CKM: variants seen among roughly 807,000 people sequenced by gnomAD.
The protein encoded by CKM is creatine kinase M-type.
A neutral mutation model predicts 35.4 loss-of-function variants in CKM; 28 were observed. The observed-to-expected ratio is 0.79, with a 90% CI of 0.59 to 1.08. The LOEUF is 1.08. Among genes scored for constraint, CKM ranks in the 50% least tolerant of loss-of-function variants. CKM has a pLI of 0.00. For missense variants in CKM, 484 were observed against 509.8 expected (o/e 0.95, Z 0.49); for synonymous variants, 215 against 204.4 (o/e 1.05, Z -0.44).
At chr19:45,312,696 A>G (rs1971121559) in intron 4 of CKM, among the ~76,000 whole-genome samples, 1 of 152,032 alleles carries the variant, frequency 6.6e-6, no homozygotes. Flanking sequence ...GCTCATGCCT[A>G]TAATCCCAGC....
At chr19:45,322,093 G>A (rs1413977984) in intron 1 of CKM, among the ~76,000 whole-genome samples, 1 of 152,088 alleles carries the variant, frequency 6.6e-6, no homozygotes, top group Non-Finnish European at 1.5e-5. Flanking sequence ...GGAGGACACG[G>A]GTCCAGGCCT....
At chr19:45,319,970 T>C (rs1599820808) in intron 1 of CKM, among the ~76,000 whole-genome samples, 1 of 151,948 alleles carries the variant, frequency 6.6e-6, no homozygotes, top group Admixed American at 6.6e-5. Flanking sequence ...TTTGTATTTT[T>C]AGTAGAGACG....
chr19:45,314,679 G>C (rs1412492268), intron 4 of CKM, among the ~76,000 whole-genome samples: 1 of 151,966 alleles, frequency 6.6e-6, no homozygotes, highest in Non-Finnish European at 1.5e-5. Context: ...TTCCCAAAAT[G>C]CTGGGATTAC....
Position 45,311,106 on chromosome 19 carries a change from C to A in CKM, c.653+643G>T, listed in dbSNP as rs150638880. ...TTTTTTTTTTTAATTTTTGTAGCGA[C>A]GTGGTCTCCCTATGTTGCCCAGGCT... is the stretch of plus-strand genomic sequence containing the variant. On this transcript the variant is annotated intron_variant, in intron 5 of 7. Coordinates refer to ENST00000221476, the MANE Select transcript of CKM (RefSeq NM_001824.5). Among the ~76,000 whole-genome samples, 59 of 148,002 alleles carry A rather than the reference C, an allele frequency of 4.0e-4. 2 individuals are homozygous for A. In the East Asian group the frequency reaches 0.011, roughly 27 times the overall value.
At chr19:45,320,866 A>C (rs1467809003) in intron 1 of CKM, among the ~76,000 whole-genome samples, 5 of 148,554 alleles carry the variant, frequency 3.4e-5, no homozygotes, top group Non-Finnish European at 7.4e-5. Flanking sequence ...CCTGGTACAC[A>C]ATAAGCATTA....
chr19:45,315,855 T>TTTTTTTTTTTTTTCTTTGAGACAGGG (rs1971153096), intron 3 of CKM, among the ~76,000 whole-genome samples: 1 of 148,676 alleles, frequency 6.7e-6, no homozygotes, highest in Admixed American at 6.7e-5. Context: ...TTTCCTTTTT[T>TTTTTTTTTTTTTTCTTTGAGACAGGG]TTCTTCGAGA....
rs365065 is a variant in CKM, at chr19:45,315,323, G to A, written c.481+142C>T. The A allele has an allele frequency of 0.08, 73,080 of 916,064 alleles. 3,429 individuals carry two copies. The highest frequency in any genetic ancestry group is 0.087 in the Non-Finnish European group (53,022 of 612,940). The allele number at this position is 916,064 out of a possible 1,614,324, so 56.7% of individuals were successfully genotyped here. A position where few individuals can be genotyped will look rare whatever the true frequency, so the allele number is the denominator to read the frequency against. Reference sequence around the variant, plus strand: ...ACAGCAGGTAATGCTGACAGCCCGCGCCATTCCCCAAGCCCCCACGATTTA... The same window carrying A: ...ACAGCAGGTAATGCTGACAGCCCGCACCATTCCCCAAGCCCCCACGATTTA... On this transcript the variant is annotated intron_variant, in intron 4 of 7. Transcript: ENST00000221476.
Position 45,318,014 on chromosome 19 carries a change from C to T in CKM, c.194-35G>A, listed in dbSNP as rs1599819673. On this transcript the variant is annotated intron_variant, in intron 2 of 7. Coordinates refer to ENST00000221476, the MANE Select transcript of CKM (RefSeq NM_001824.5). ...TGGGGGTGAGGTCAGAGCTGCTTGT[C>T]CCCAGCAAACAGGGCGTGGGCTTGT... The T allele has an allele frequency of 1.9e-6, 3 of 1,606,118 alleles. No individual in the cohort carries two copies. The East Asian group carries it at 6.7e-5, about 36-fold the overall frequency.
chr19:45,314,174 A>AAAGGAAGGAAGG (rs140672931), intron 4 of CKM, among the ~76,000 whole-genome samples: 1 of 149,604 alleles, frequency 6.7e-6, no homozygotes, highest in Non-Finnish European at 1.5e-5. Flanking sequence ...AAAAGAAAGG[A>AAAGGAAGGAAGG]AAGGAAGGAA....
In CKM at chr19:45,311,909, G is replaced by A; in HGVS notation, c.493C>T (p.Leu165=). ...EKLSVEALNS[L]TGEFKGKYYP... Reference sequence around the variant, plus strand: ...TACTTCCCTTTGAACTCGCCCGTCAGGCTGTTGAGAGCTATGGGGACACAC... The same window carrying A: ...TACTTCCCTTTGAACTCGCCCGTCAAGCTGTTGAGAGCTATGGGGACACAC... Residue 165 remains leucine, a synonymous_variant, in exon 5 of 8, where the codon CTG becomes TTG. Coordinates refer to ENST00000221476, the MANE Select transcript of CKM (RefSeq NM_001824.5). 6.2e-7 allele frequency: 1 copy of A among 1,614,064 alleles called. No individual in the cohort carries two copies. Among genetic ancestry groups the A allele is most frequent in the Non-Finnish European group, 8.5e-7 (1 of 1,179,966 alleles).
chr19:45,310,131 T>TTG (rs1482144578), intron 5 of CKM, among the ~76,000 whole-genome samples: 1 of 143,926 alleles, frequency 6.9e-6, no homozygotes, highest in Non-Finnish European at 1.5e-5. Context: ...TTTTTTTTTT[T>TTG]TTTTTTTGAG....
chr19:45,309,439 C>G (rs1412861480), intron 5 of CKM, among the ~76,000 whole-genome samples: 2 of 150,840 alleles, frequency 1.3e-5, no homozygotes, highest in Admixed American at 1.3e-4. Context: ...GCCTGTAGTC[C>G]AAGCCACTGG....
intron 1 of CKM, among the ~76,000 whole-genome samples, chr19:45,320,629 G>T (rs1432535548): frequency 6.6e-6 from 1 of 152,194 alleles, no homozygotes; most frequent in East Asian, 1.9e-4. Flanking sequence ...GCCCCTCCCG[G>T]AGGCTGGAAA....
intron 5 of CKM, among the ~76,000 whole-genome samples, chr19:45,310,792 G>A (rs867718419): frequency 1.2e-4 from 3 of 24,126 alleles, no homozygotes; most frequent in African/African-American, 4.8e-4. Flanking sequence ...TTTTTTTTTT[G>A]AGACGGAGTC....
chr19:45,315,813 A>G (rs1971152141), intron 3 of CKM, among the ~76,000 whole-genome samples: 1 of 139,856 alleles, frequency 7.2e-6, no homozygotes, highest in Non-Finnish European at 1.6e-5. Context: ...GTTTTTCTTT[A>G]TACCTCTCTC....
chr19:45,312,680 G>T (rs573972363), intron 4 of CKM, among the ~76,000 whole-genome samples: 1 of 151,894 alleles, frequency 6.6e-6, no homozygotes, highest in Admixed American at 6.6e-5. Flanking sequence ...TAGGCTGGGC[G>T]CAGTGGCTCA....
At chr19:45,316,662 C>G (rs546334052) in intron 3 of CKM, among the ~76,000 whole-genome samples, 1 of 151,912 alleles carries the variant, frequency 6.6e-6, no homozygotes, top group East Asian at 1.9e-4. Flanking sequence ...TTCTCCCACT[C>G]TCCTTGTCTG....
chr19:45,315,606 C>T lies in CKM; in HGVS notation c.349-9G>A, dbSNP rs375179935. On this transcript the variant is annotated splice_polypyrimidine_tract_variant and intron_variant, in intron 3 of 7. Transcript: ENST00000221476. ...TCCAGGTCGTCTCCACCCTGGAGAG[C>T]GGGTGGGAGATCAGGACCAGGCAGA... The T allele has an allele frequency of 1.2e-4, 186 of 1,602,706 alleles. No homozygotes were observed. In the African/African-American group the frequency reaches 2.2e-3, roughly 19 times the overall value.
At chr19:45,321,968 A>C (rs942624934) in intron 1 of CKM, among the ~76,000 whole-genome samples, 1 of 151,988 alleles carries the variant, frequency 6.6e-6, no homozygotes, top group Admixed American at 6.6e-5. Context: ...TTATTTTTAG[A>C]ATCTGGCAAC....
Sources: allele counts gnomAD v4.1 joint callset (sites outside exome capture counted in the v4.1 genomes callset), GRCh38; gene constraint gnomAD v4.1.1; transcripts MANE v1.5; gene names NCBI Gene and HGNC (gene_info 2026-07-23, HGNC 2026-07-21).